HLCS: variants seen among roughly 807,000 people sequenced by gnomAD.
HLCS encodes holocarboxylase synthetase.
HLCS carries 53 observed loss-of-function variants against 75.0 expected under a neutral mutation model. That is an observed-to-expected ratio of 0.71 (90% CI 0.57 to 0.89). The LOEUF (loss-of-function observed/expected upper bound fraction) is 0.89, where lower values mean the gene tolerates loss of function less well. Among genes scored for constraint, HLCS ranks in the 40% least tolerant of loss-of-function variants. The probability of loss-of-function intolerance (pLI) is 0.00; values close to 1 mark genes in which losing one functional copy is unlikely to be tolerated. For synonymous variants in HLCS, 431 were observed against 428.6 expected (o/e 1.01, Z -0.07); for missense variants, 966 against 1,074.0 (o/e 0.90, Z 1.41).
rs772393740 is a variant in HLCS at position 36,824,511 on chromosome 21, G to A, written c.1893-57226C>T. ...ATGTAGGGCTTAATACCCAAGTGAC[G>A]GATTAATAGGTGCAGCAAACCACCA... On this transcript the variant is annotated intron_variant, in intron 6 of 10. Coordinates refer to ENST00000674895, the MANE Select transcript of HLCS (RefSeq NM_001352514.2). 5.3e-5 allele frequency among the ~76,000 whole-genome samples: 8 copies of A among 152,218 alleles called. No individual in the cohort carries two copies. In the East Asian group the frequency reaches 9.7e-4, roughly 18 times the overall value.
intron 2 of HLCS, among the ~76,000 whole-genome samples, chr21:36,958,143 T>TGAG (rs1474749001): frequency 6.7e-6 from 1 of 150,174 alleles, no homozygotes; most frequent in Non-Finnish European, 1.5e-5. Context: ...CTCGGGTGGC[T>TGAG]GAGGCAGGAG....
At chr21:36,802,427 C>T (rs935003092) in intron 6 of HLCS, among the ~76,000 whole-genome samples, 1 of 152,202 alleles carries the variant, frequency 6.6e-6, no homozygotes, top group Non-Finnish European at 1.5e-5. Flanking sequence ...ACATTCTCTC[C>T]GTGGACAATT....
intron 6 of HLCS, among the ~76,000 whole-genome samples, chr21:36,875,586 T>C (rs931757334): frequency 2.0e-5 from 3 of 152,108 alleles, no homozygotes; most frequent in African/African-American, 7.2e-5. Context: ...AGGTCTCCTG[T>C]CCACTAAGAG....
chr21:36,776,092 T>G (rs1451755424), intron 6 of HLCS, among the ~76,000 whole-genome samples: 2 of 152,252 alleles, frequency 1.3e-5, no homozygotes, highest in African/African-American at 2.4e-5. Context: ...TCTGGTTGGT[T>G]GTAAGGTCTA....
chr21:36,848,263 T>A (rs1484859526), intron 6 of HLCS, among the ~76,000 whole-genome samples: 1 of 146,614 alleles, frequency 6.8e-6, no homozygotes, highest in Non-Finnish European at 1.5e-5. Flanking sequence ...TTTGCCCACA[T>A]AATTGTTGTT....
chr21:36,757,424 A>C (rs542586924), intron 9 of HLCS, among the ~76,000 whole-genome samples: 1 of 152,268 alleles, frequency 6.6e-6, no homozygotes, highest in Non-Finnish European at 1.5e-5. Flanking sequence ...CAGTTACTTA[A>C]CACCACTATC....
chr21:36,838,537 CTACTAAAAA>C (rs1046987269), intron 6 of HLCS, among the ~76,000 whole-genome samples: 1 of 151,970 alleles, frequency 6.6e-6, no homozygotes, highest in Non-Finnish European at 1.5e-5. Context: ...AACTCTGTCT[CTACTAAAAA>C]TACAAAAATT....
chr21:36,908,700 A>T (rs1307951311), intron 5 of HLCS, among the ~76,000 whole-genome samples: 1 of 152,228 alleles, frequency 6.6e-6, no homozygotes, highest in African/African-American at 2.4e-5. Flanking sequence ...AGGAATAAAA[A>T]GTAATGGGCT....
intron 7 of HLCS, among the ~76,000 whole-genome samples, chr21:36,766,161 C>T (rs2090023191): frequency 6.6e-6 from 1 of 152,056 alleles, no homozygotes; most frequent in Non-Finnish European, 1.5e-5. Context: ...GTAGTTGGGA[C>T]TACAGGTGAG....
At chr21:36,959,353 C>T (rs904408964) in intron 2 of HLCS, among the ~76,000 whole-genome samples, 2 of 152,204 alleles carry the variant, frequency 1.3e-5, no homozygotes, top group Admixed American at 6.5e-5. Flanking sequence ...CTCTGGACCA[C>T]GAGGATGGGA....
chr21:36,978,082 A>G (rs7281251), intron 1 of HLCS, among the ~76,000 whole-genome samples: 129,804 of 152,210 alleles, frequency 0.85, 55,477 homozygotes, highest in East Asian at 0.95. Context: ...GGTGCCAGAA[A>G]TCCCAACCAC....
At chr21:36,930,177 A>G in intron 5 of HLCS, 74 bp downstream of exon 5, 1 of 1,328,966 alleles carries the variant, frequency 7.5e-7, no homozygotes, top group South Asian at 1.2e-5. Flanking sequence ...AAATAAAACA[A>G]TTAAAGCAAC....
intron 5 of HLCS, among the ~76,000 whole-genome samples, chr21:36,898,590 G>A (rs1446663736): frequency 2.6e-5 from 4 of 151,952 alleles, no homozygotes; most frequent in African/African-American, 9.7e-5. Flanking sequence ...AGGTGGAGAG[G>A]GAGACCCCGT....
At chr21:36,915,611 T>C (rs958512503) in intron 5 of HLCS, among the ~76,000 whole-genome samples, 1 of 152,180 alleles carries the variant, frequency 6.6e-6, no homozygotes, top group African/African-American at 2.4e-5. Flanking sequence ...AAGCTCCGGC[T>C]CAGAAGGTGC....
At chr21:36,843,640 A>T (rs1230392770) in intron 6 of HLCS, among the ~76,000 whole-genome samples, 1 of 152,174 alleles carries the variant, frequency 6.6e-6, no homozygotes, top group Non-Finnish European at 1.5e-5. Flanking sequence ...TAGTGTGCGC[A>T]AAGTTATTTT....
At chr21:36,800,469 G>T (rs1335643418) in intron 6 of HLCS, among the ~76,000 whole-genome samples, 1 of 152,148 alleles carries the variant, frequency 6.6e-6, no homozygotes, top group African/African-American at 2.4e-5. Flanking sequence ...GAAAGCTGAG[G>T]GTGGCTCCCT....
intron 8 of HLCS, among the ~76,000 whole-genome samples, chr21:36,760,961 G>A (rs1481774515): frequency 2.0e-5 from 3 of 152,256 alleles, no homozygotes; most frequent in East Asian, 1.9e-4. Flanking sequence ...GTGGGTAAAG[G>A]AAGCCTGTCT....
intron 6 of HLCS, among the ~76,000 whole-genome samples, chr21:36,874,138 G>A (rs1435560852): frequency 6.6e-6 from 1 of 152,086 alleles, no homozygotes; most frequent in East Asian, 1.9e-4. Flanking sequence ...TCTACTTACT[G>A]TATCACCACT....
chr21:36,874,978 G>T (rs1035059111), intron 6 of HLCS, among the ~76,000 whole-genome samples: 1 of 152,158 alleles, frequency 6.6e-6, no homozygotes, highest in African/African-American at 2.4e-5. Flanking sequence ...AGCCAAGCGC[G>T]GGTGCTGTCA....
Sources: gnomAD v4.1 joint callset for allele counts (sites outside exome capture counted in the v4.1 genomes callset) on GRCh38, gnomAD v4.1.1 for gene constraint, MANE v1.5 for transcripts, NCBI Gene and HGNC (gene_info 2026-07-23, HGNC 2026-07-21) for gene names.